Variants in LARP1B observed in about 807,000 individuals in gnomAD.
LARP1B encodes La ribonucleoprotein 1B, also known as la-related protein 1B.
A neutral mutation model predicts 114.2 loss-of-function variants in LARP1B; 76 were observed. The ratio of observed to expected loss-of-function variants is 0.67; its 90% CI spans 0.55 to 0.81. LARP1B has a LOEUF of 0.81. Among genes scored for constraint, LARP1B ranks in the 30% least tolerant of loss-of-function variants. LARP1B has a pLI of 0.00. For missense variants in LARP1B, 1,014 were observed against 1,075.8 expected (o/e 0.94, Z 0.80); for synonymous variants, 345 against 348.0 (o/e 0.99, Z 0.10).
In LARP1B at chr4:128,101,565, T is replaced by G. The variant is rs961443596; in HGVS notation, c.813+3235T>G. On this transcript the variant is annotated intron_variant, in intron 8 of 19. Coordinates refer to ENST00000326639, the MANE Select transcript of LARP1B (RefSeq NM_018078.4). ...TGTAATTAACAGAGAAAATTAGTTT[T>G]TTTTTTTTTTTGCAAAATTTGCTCT... Among the ~76,000 whole-genome samples, 6 of 151,946 alleles carry G rather than the reference T, an allele frequency of 3.9e-5. No individual in the cohort carries two copies. The East Asian group carries it at 5.8e-4, about 15-fold the overall frequency.
chr4:128,117,383 C>A (rs964413919), intron 10 of LARP1B, among the ~76,000 whole-genome samples: 5 of 151,570 alleles, frequency 3.3e-5, no homozygotes, highest in Admixed American at 3.3e-4. Flanking sequence ...CTAATTTTTG[C>A]ATTTATCTAT....
chr4:128,150,292 C>CTT (rs5861846), intron 11 of LARP1B, among the ~76,000 whole-genome samples: 4 of 135,014 alleles, frequency 3.0e-5, no homozygotes, highest in South Asian at 2.4e-4. Flanking sequence ...TAATTTTTTT[C>CTT]TTTTTTTTTT....
intron 5 of LARP1B, among the ~76,000 whole-genome samples, chr4:128,082,679 G>A (rs1387053633): frequency 6.6e-6 from 1 of 151,542 alleles, no homozygotes; most frequent in African/African-American, 2.4e-5. Flanking sequence ...TGATTTTTTT[G>A]AAGATTGTAG....
intron 8 of LARP1B, among the ~76,000 whole-genome samples, chr4:128,099,857 C>A (rs1052987848): frequency 1.3e-5 from 2 of 152,092 alleles, no homozygotes; most frequent in Non-Finnish European, 2.9e-5. Context: ...ATTTTGCATT[C>A]CCACGATTAT....
chr4:128,176,700 G>A (rs1276099268), intron 12 of LARP1B, among the ~76,000 whole-genome samples, 172 bp from the exon 13 acceptor site: 3 of 152,242 alleles, frequency 2.0e-5, no homozygotes, highest in Admixed American at 2.0e-4. Context: ...ATGTATGGTA[G>A]GCACTAGTAT....
At chr4:128,073,104 A>G (rs1406858095) in intron 1 of LARP1B, among the ~76,000 whole-genome samples, 1 of 152,116 alleles carries the variant, frequency 6.6e-6, no homozygotes, top group Non-Finnish European at 1.5e-5. Context: ...TTTAGATGAC[A>G]GATTACCCTT....
chr4:128,132,560 T>C (rs913404712), intron 11 of LARP1B, among the ~76,000 whole-genome samples: 1 of 152,078 alleles, frequency 6.6e-6, no homozygotes, highest in African/African-American at 2.4e-5. Flanking sequence ...TTTAAATTTT[T>C]ATTTTTTGTC....
chr4:128,133,540 T>G (rs754243216), intron 11 of LARP1B, among the ~76,000 whole-genome samples: 5 of 152,194 alleles, frequency 3.3e-5, no homozygotes, highest in Admixed American at 1.3e-4. Context: ...GGGCCTTGAA[T>G]AGTCAAAACA....
Position 128,087,756 on chromosome 4 carries a change from G to A in LARP1B, c.359-3245G>A, listed in dbSNP as rs569050659. Among the ~76,000 whole-genome samples the A allele has an allele frequency of 7.9e-5, 12 of 152,256 alleles. No individual in the cohort carries two copies. The East Asian group carries it at 2.3e-3, about 29-fold the overall frequency. On this transcript the variant is annotated intron_variant, in intron 5 of 19. Coordinates refer to ENST00000326639, the MANE Select transcript of LARP1B (RefSeq NM_018078.4). ...TAGCTAAATGCAGTGGTGCAAGCCT[G>A]TAGTCCCAGCTACTTGGGAGGTTGA...
chr4:128,098,767 A>ATATATATATATATTTT (rs1328165907), intron 8 of LARP1B, among the ~76,000 whole-genome samples: 3 of 35,028 alleles, frequency 8.6e-5, no homozygotes, highest in Non-Finnish European at 1.4e-4. Context: ...ATATATATAT[A>ATATATATATATATTTT]TTTTTTTTTT....
chr4:128,159,630 A>C (rs1737499817), intron 11 of LARP1B, among the ~76,000 whole-genome samples: 1 of 152,170 alleles, frequency 6.6e-6, no homozygotes, highest in Admixed American at 6.5e-5. Context: ...ACCTACCTAG[A>C]TGCATCATTC....
At position 128,073,572 on chromosome 4, in the gene LARP1B, G is replaced by GTTTTTTTTTTTTTTTTTTT. The variant is rs568197117; in HGVS notation, c.-77-869_-77-851dup. Among the ~76,000 whole-genome samples the GTTTTTTTTTTTTTTTTTTT allele has an allele frequency of 2.0e-4, 8 of 40,006 alleles. 2 individuals are homozygous for GTTTTTTTTTTTTTTTTTTT. The highest frequency in any genetic ancestry group is 1.9e-3 in the East Asian group (2 of 1,074). The allele number at this position is 40,006 out of a possible 152,430, so 26.2% of individuals were successfully genotyped here. The stretch of plus-strand genomic sequence containing the variant: ...AATTTTCTCCTGTTATATTGTTGTC[G>GTTTTTTTTTTTTTTTTTTT]TTTTTTTTTTTTTTTTTTTTTTTTT... On this transcript the variant is annotated intron_variant, in intron 1 of 19. Transcript: ENST00000326639.
chr4:128,213,128 G>C (rs1189366995), downstream of LARP1B, among the ~76,000 whole-genome samples: 2 of 151,958 alleles, frequency 1.3e-5, no homozygotes, highest in African/African-American at 2.4e-5. Context: ...ATGTTGGCTA[G>C]GCTGGTCTCG....
At chr4:128,203,747 G>A (rs1011831050) in intron 17 of LARP1B, among the ~76,000 whole-genome samples, 3 of 152,176 alleles carry the variant, frequency 2.0e-5, no homozygotes, top group Admixed American at 6.5e-5. Context: ...GTGATTACAG[G>A]AAGGAGGGAG....
At chr4:128,168,293 A>G (rs917768622) in intron 12 of LARP1B, among the ~76,000 whole-genome samples, 1 of 151,716 alleles carries the variant, frequency 6.6e-6, no homozygotes, top group African/African-American at 2.4e-5. Flanking sequence ...TTTTTTAAAA[A>G]ATTTTGCCCA....
rs114551546 is a variant in LARP1B, at chr4:128,178,636, T to C, written c.1890T>C (p.Asp630=). 3.2e-5 allele frequency: 51 copies of C among 1,611,898 alleles called. No individual in the cohort carries two copies. Among genetic ancestry groups the C allele is most frequent in the Admixed American group, 5.0e-5 (3 of 59,996 alleles). The change falls in exon 14 of 20, where the codon GAT becomes GAC. Residue 630 remains aspartate (D), a synonymous_variant. Transcript: ENST00000326639. ...YPVVKEPKAI[D]VKSPRKRKTR... ...TTGTTAAAGAACCAAAAGCCATTGA[T>C]GTAAAGGTATACAAAACAACCAGGA...
intron 11 of LARP1B, among the ~76,000 whole-genome samples, chr4:128,137,221 T>C (rs1043091329): frequency 6.6e-6 from 1 of 151,112 alleles, no homozygotes; most frequent in African/African-American, 2.4e-5. Context: ...AGAGCAAGAG[T>C]CCATCTCAAA....
chr4:128,222,213 C>T (rs1760084827), intron 7 of LARP1B: 4 of 408,844 alleles, frequency 9.8e-6, no homozygotes, highest in East Asian at 7.3e-5. Context: ...GCTTAGATGC[C>T]GTTATTTCTA....
chr4:128,098,129 A>G, intron 7 of LARP1B, 57 bp from the exon 8 acceptor site: 2 of 1,358,010 alleles, frequency 1.5e-6, no homozygotes, highest in South Asian at 1.2e-5. Context: ...TGTGGGAGCA[A>G]TAGAAATATT....
Sources: gnomAD v4.1 joint callset for allele counts (sites outside exome capture counted in the v4.1 genomes callset) on GRCh38, gnomAD v4.1.1 for gene constraint, MANE v1.5 for transcripts, NCBI Gene and HGNC (gene_info 2026-07-23, HGNC 2026-07-21) for gene names.